The following ZSWIM4 variants were observed in gnomAD, a reference collection of about 807,000 sequenced individuals.
ZSWIM4 encodes the protein zinc finger SWIM domain-containing protein 4.
In ZSWIM4, 62 loss-of-function variants were observed where a neutral mutation model predicts 102.5. The observed-to-expected ratio is 0.60, with a 90% CI of 0.49 to 0.75. The LOEUF is 0.75. Among genes scored for constraint, ZSWIM4 ranks in the 30% least tolerant of loss-of-function variants. ZSWIM4 has a pLI of 0.00. For synonymous variants in ZSWIM4, 652 were observed against 674.5 expected (o/e 0.97, Z 0.52); for missense variants, 1,280 against 1,529.6 (o/e 0.84, Z 2.72).
At chr19:13,801,269 G>T (rs577251361) in intron 2 of ZSWIM4, among the ~76,000 whole-genome samples, 57 of 152,256 alleles carry the variant, frequency 3.7e-4, no homozygotes, top group Admixed American at 1.0e-3. Flanking sequence ...TTGGGTTCGG[G>T]ATTATGAGCT....
At chr19:13,826,635 C>T (rs560920602) in intron 12 of ZSWIM4, among the ~76,000 whole-genome samples, 4 of 152,182 alleles carry the variant, frequency 2.6e-5, no homozygotes, top group South Asian at 2.1e-4. Flanking sequence ...CGTGGTGGCA[C>T]GCGCCTGTAA....
At position 13,809,035 on chromosome 19, in the gene ZSWIM4, C is replaced by T. The variant is rs758485122; in HGVS notation, c.862-35C>T. The T allele has an allele frequency of 1.9e-6, 3 of 1,607,298 alleles. No individual in the cohort carries two copies. Among genetic ancestry groups the T allele is most frequent in the Non-Finnish European group, 2.6e-6 (3 of 1,175,140 alleles). On this transcript the variant is annotated intron_variant, in intron 4 of 13. Transcript: ENST00000590508. This position sits in a 1 kb window ranked among gnomAD's most constrained non-coding sequence, Gnocchi z 4.2. ...GGGTGCAGAAGGCCCCGGCGGACGCCCCAGCCCTTCCTCACCACCCTGTCC... is the reference window on the plus strand; with the variant it reads ...GGGTGCAGAAGGCCCCGGCGGACGCTCCAGCCCTTCCTCACCACCCTGTCC...
chr19:13,799,247 AT>A (rs1370829162), intron 1 of ZSWIM4, among the ~76,000 whole-genome samples: 4 of 143,306 alleles, frequency 2.8e-5, no homozygotes, highest in Non-Finnish European at 4.6e-5. Flanking sequence ...TGCCTGGCTA[AT>A]TTTTTTTATT....
Position 13,809,662 on chromosome 19 carries a change from G to A in ZSWIM4, c.1012+442G>A, listed in dbSNP as rs2145294518. On this transcript the variant is annotated intron_variant, in intron 5 of 13. Coordinates refer to ENST00000590508, the MANE Select transcript of ZSWIM4 (RefSeq NM_001367834.3). The surrounding 1 kb of genome is among the most constrained non-coding windows in gnomAD (Gnocchi z 4.2). ...ACATCCAGCTAATTTTTAATTTTTT[G>A]AAGAGACAGAGTCTCACTATCTTGC... Among the ~76,000 whole-genome samples the A allele has an allele frequency of 6.6e-6, 1 of 152,062 alleles. No individual in the cohort carries two copies. The highest frequency in any genetic ancestry group is 3.4e-3 in the Middle Eastern group (1 of 294).
rs532016111 is a variant in ZSWIM4 at position 13,830,089 on chromosome 19, G to T, written c.2462-102G>T. On this transcript the variant is annotated intron_variant, in intron 13 of 13. Coordinates refer to ENST00000590508, the MANE Select transcript of ZSWIM4 (RefSeq NM_001367834.3). ...AGGAAGTTTCTGTTCAGCATGGTGT[G>T]GAGGTGGAAGTGGAGGTGGCAGTGT... 1.3e-5 allele frequency: 18 copies of T among 1,409,590 alleles called. No individual in the cohort carries two copies. The African/African-American group carries it at 2.0e-4, about 15-fold the overall frequency. 87.3% of individuals were successfully genotyped at this position (1,409,590 alleles called of 1,614,324 possible). A position where few individuals can be genotyped will look rare whatever the true frequency, so the allele number is the denominator to read the frequency against.
Position 13,825,785 on chromosome 19 carries a change from C to T in ZSWIM4, c.2379+72C>T. On this transcript the variant is annotated intron_variant, in intron 12 of 13. Transcript: ENST00000590508. This position sits in a 1 kb window ranked among gnomAD's most constrained non-coding sequence, Gnocchi z 4.6. Reference sequence around the variant, plus strand: ...CAGGACTGACTGTGAGCTGCGCCTCCCGGGGCATGGGCTGAGTGTGAGCCA... The same window carrying T: ...CAGGACTGACTGTGAGCTGCGCCTCTCGGGGCATGGGCTGAGTGTGAGCCA... 6.6e-7 allele frequency: 1 copy of T among 1,519,500 alleles called. No homozygotes were observed. Among genetic ancestry groups the T allele is most frequent in the Non-Finnish European group, 8.8e-7 (1 of 1,135,656 alleles). The allele number at this position is 1,519,500 out of a possible 1,614,324, so 94.1% of individuals were successfully genotyped here.
At chr19:13,829,824 C>CA (rs1219626837) in intron 13 of ZSWIM4, among the ~76,000 whole-genome samples, 2,730 of 138,590 alleles carry the variant, frequency 0.02, 82 homozygotes, top group African/African-American at 0.065. Flanking sequence ...GACTCCATCT[C>CA]AAAAAAAAAA....
chr19:13,828,855 C>G lies in ZSWIM4; in HGVS notation c.2461+129C>G, dbSNP rs1419951451. The G allele has an allele frequency of 1.0e-5, 8 of 802,530 alleles. No individual in the cohort carries two copies. The Admixed American group carries it at 1.6e-4, about 16-fold the overall frequency. 49.7% of individuals were successfully genotyped at this position (802,530 alleles called of 1,614,324 possible). On this transcript the variant is annotated intron_variant, in intron 13 of 13. Transcript: ENST00000590508. Reference sequence around the variant, plus strand: ...GTGGCTCACACCTGTAATCCCAGCACTTTGGGAGGCCAAAGCGGGAGGATC... The same window carrying G: ...GTGGCTCACACCTGTAATCCCAGCAGTTTGGGAGGCCAAAGCGGGAGGATC...
chr19:13,819,793 G>A (rs1451962781), intron 10 of ZSWIM4, among the ~76,000 whole-genome samples: 4 of 150,954 alleles, frequency 2.6e-5, no homozygotes, highest in South Asian at 2.1e-4. Context: ...TCAGCCTCCC[G>A]AGTGGCTAGG....
chr19:13,824,289 C>T (rs917666215), intron 11 of ZSWIM4, among the ~76,000 whole-genome samples: 5 of 152,128 alleles, frequency 3.3e-5, no homozygotes, highest in Middle Eastern at 3.2e-3. Context: ...TGGCTGGGCA[C>T]GGTAGCTCAT....
chr19:13,813,856 G>A (rs890550587), intron 6 of ZSWIM4, among the ~76,000 whole-genome samples: 2 of 150,002 alleles, frequency 1.3e-5, no homozygotes, highest in Non-Finnish European at 3.0e-5. Context: ...GGGAGGCGGA[G>A]GTTGCAGTGA....
At chr19:13,828,278 G>A (rs986293197) in intron 12 of ZSWIM4, among the ~76,000 whole-genome samples, 4 of 151,862 alleles carry the variant, frequency 2.6e-5, no homozygotes, top group Admixed American at 6.6e-5. Flanking sequence ...GCATGGTGGC[G>A]GGCACCTGTA....
chr19:13,807,101 A>C (rs1974939413), intron 3 of ZSWIM4, among the ~76,000 whole-genome samples: 1 of 151,896 alleles, frequency 6.6e-6, no homozygotes, highest in Non-Finnish European at 1.5e-5. Context: ...GGTGGGGTGG[A>C]TAGTGTACTT....
rs947080480 is a variant in ZSWIM4 at position 13,814,745 on chromosome 19, G to T, written c.1411G>T (p.Val471Leu). Residue 471 changes from valine to leucine, a missense_variant, in exon 7 of 14, where the codon GTG (valine) becomes TTG (leucine). By Grantham distance (32) the Val-to-Leu change is conservative. Coordinates refer to ENST00000590508, the MANE Select transcript of ZSWIM4 (RefSeq NM_001367834.3). ...ACCTTTCCCCACTGCCTGTGCCCGTGTGGACACCCTGCGTGCCCACGGATA... is the reference window on the plus strand; with the variant it reads ...ACCTTTCCCCACTGCCTGTGCCCGTTTGGACACCCTGCGTGCCCACGGATA... ...GEPFPTACAR[V>L]DTLRAHGYPR... is the part of the protein sequence containing the mutation. 1 of 1,288,768 alleles carries T rather than the reference G, an allele frequency of 7.8e-7. No individual in the cohort carries two copies. The highest frequency in any genetic ancestry group is 1.5e-5 in the African/African-American group (1 of 65,852). The allele number at this position is 1,288,768 out of a possible 1,614,324, so 79.8% of individuals were successfully genotyped here. A position where few individuals can be genotyped will look rare whatever the true frequency, so the allele number is the denominator to read the frequency against.
chr19:13,827,953 G>C (rs555139723), intron 12 of ZSWIM4, among the ~76,000 whole-genome samples: 1 of 152,152 alleles, frequency 6.6e-6, no homozygotes, highest in Admixed American at 6.6e-5. Flanking sequence ...GGTTTGTTCC[G>C]GCATAGGATC....
In ZSWIM4 at chr19:13,814,833, A is replaced by G; in HGVS notation, c.1499A>G (p.His500Arg). The G allele has an allele frequency of 7.9e-7, 1 of 1,271,144 alleles. No homozygotes were observed. Among genetic ancestry groups the G allele is most frequent in the South Asian group, 1.2e-5 (1 of 80,260 alleles). The allele number at this position is 1,271,144 out of a possible 1,614,324, so 78.7% of individuals were successfully genotyped here. A position where few individuals can be genotyped will look rare whatever the true frequency, so the allele number is the denominator to read the frequency against. Reference sequence around the variant, plus strand: ...AACACACTCCGGCTGCAGCAGCGGCATCAGCTAGAGAGCTACAAGCAGCAG... The same window carrying G: ...AACACACTCCGGCTGCAGCAGCGGCGTCAGCTAGAGAGCTACAAGCAGCAG... ...IINTLRLQQR[H>R]QLESYKQQKK... Residue 500 changes from histidine to arginine, a missense_variant, in exon 7 of 14, where the codon CAT becomes CGT. Coordinates refer to ENST00000590508, the MANE Select transcript of ZSWIM4 (RefSeq NM_001367834.3).
chr19:13,814,260 G>A (rs983468807), intron 6 of ZSWIM4, among the ~76,000 whole-genome samples: 2 of 151,948 alleles, frequency 1.3e-5, no homozygotes, highest in Non-Finnish European at 2.9e-5. Flanking sequence ...TGTTGGCCAG[G>A]CTGGTCTCGA....
At chr19:13,817,418 C>T (rs1272952559) in intron 8 of ZSWIM4, 65 bp downstream of exon 8, 14 of 1,565,338 alleles carry the variant, frequency 8.9e-6, no homozygotes, top group Non-Finnish European at 1.2e-5. Context: ...CGCCCCCTGG[C>T]CCAGTACCCC....
At chr19:13,810,583 A>T (rs1262592971) in intron 5 of ZSWIM4, among the ~76,000 whole-genome samples, 1 of 144,756 alleles carries the variant, frequency 6.9e-6, no homozygotes, top group Non-Finnish European at 1.5e-5. Flanking sequence ...GAGCCACCAC[A>T]CCCAGCCAAC....
Sources: allele counts gnomAD v4.1 joint callset (sites outside exome capture counted in the v4.1 genomes callset), GRCh38; gene constraint gnomAD v4.1.1; non-coding constraint Gnocchi (gnomAD v3.1); transcripts MANE v1.5; gene names NCBI Gene and HGNC (gene_info 2026-07-23, HGNC 2026-07-21).